Variants in MCTP2 observed in about 807,000 individuals in gnomAD.
MCTP2 encodes the protein multiple C2 and transmembrane domain containing 2.
In MCTP2, 132 loss-of-function variants were observed where a neutral mutation model predicts 111.6. The ratio of observed to expected loss-of-function variants is 1.18; its 90% CI spans 1.03 to 1.37. MCTP2 has a LOEUF of 1.37. Ranked by LOEUF, MCTP2 falls within the 40% of genes most tolerant of loss-of-function variation. The probability of loss-of-function intolerance (pLI) is 0.00; values close to 1 mark genes in which losing one functional copy is unlikely to be tolerated. For synonymous variants in MCTP2, 395 were observed against 387.7 expected, an observed-to-expected ratio of 1.02 and a Z score of -0.22; for missense variants, 1,183 against 1,067.9, an observed-to-expected ratio of 1.11 and a Z score of -1.50.
rs1177069835 is a variant in MCTP2, at chr15:94,480,180, G to A, written c.*1146G>A. On this transcript the variant is annotated 3_prime_UTR_variant, in exon 23 of 23. Coordinates refer to ENST00000357742, the MANE Select transcript of MCTP2 (RefSeq NM_001385001.1). The stretch of plus-strand genomic sequence containing the variant: ...TCCTGACTTTGTGCGTATATAAAAT[G>A]TATGCAATTAAGTCTGTTTAAATGA... 2.6e-5 allele frequency: 4 copies of A among 152,106 alleles called. No homozygotes were observed. The highest frequency in any genetic ancestry group is 7.2e-5 in the African/African-American group (3 of 41,410). The allele number at this position is 152,106 out of a possible 1,614,324, so 9.4% of individuals were successfully genotyped here. A position where few individuals can be genotyped will look rare whatever the true frequency, so the allele number is the denominator to read the frequency against.
At chr15:94,443,045 C>CT (rs1362299590) in intron 19 of MCTP2, 85 bp downstream of exon 19, 11 of 849,398 alleles carry the variant, frequency 1.3e-5, no homozygotes, top group African/African-American at 2.2e-5. Context: ...TCTCTCTCCT[C>CT]TCTTTTTTTT....
At chr15:94,234,719 A>C (rs1596113560) in intron 1 of MCTP2, among the ~76,000 whole-genome samples, 1 of 152,206 alleles carries the variant, frequency 6.6e-6, no homozygotes, top group Admixed American at 6.5e-5. Context: ...GGCTTTTCCA[A>C]CTATCAGTCA....
chr15:94,347,053 T>C (rs1304872213), intron 8 of MCTP2, among the ~76,000 whole-genome samples: 2 of 152,202 alleles, frequency 1.3e-5, no homozygotes. Context: ...TTTTGAAAGC[T>C]ACTTATGCTC....
At position 94,366,420 on chromosome 15, in the gene MCTP2, A is replaced by T. The variant is rs150790870; in HGVS notation, c.1302-1185A>T. On this transcript the variant is annotated intron_variant, in intron 10 of 22. Coordinates refer to ENST00000357742, the MANE Select transcript of MCTP2 (RefSeq NM_001385001.1). ...ATTTTAAAATCTTGTAATAAAGTCTAGTAGAGTCTTTTAATGTCATATTTA... is the reference window on the plus strand; with the variant it reads ...ATTTTAAAATCTTGTAATAAAGTCTTGTAGAGTCTTTTAATGTCATATTTA... Among the ~76,000 whole-genome samples the T allele has an allele frequency of 6.8e-4, 104 of 152,338 alleles. 1 individual carries two copies. Among genetic ancestry groups the T allele is most frequent in the African/African-American group, 2.4e-3 (98 of 41,582 alleles).
At chr15:94,304,559 G>A (rs1211803571) in intron 2 of MCTP2, among the ~76,000 whole-genome samples, 1 of 152,208 alleles carries the variant, frequency 6.6e-6, no homozygotes, top group Non-Finnish European at 1.5e-5. Flanking sequence ...TCATTAACCT[G>A]TTAGGAGAAA....
intron 17 of MCTP2, among the ~76,000 whole-genome samples, chr15:94,439,686 A>G (rs1008489248): frequency 3.3e-5 from 5 of 152,216 alleles, no homozygotes; most frequent in Admixed American, 2.0e-4. Context: ...ATGCTAGCCA[A>G]TCATTTTCTT....
intron 19 of MCTP2, among the ~76,000 whole-genome samples, chr15:94,457,447 G>A (rs537938315): frequency 1.1e-4 from 16 of 152,214 alleles, no homozygotes; most frequent in East Asian, 3.9e-4. Context: ...TGGAAATTAC[G>A]GAAGATGAAT....
chr15:94,477,847 C>CA (rs2074492855), intron 22 of MCTP2, among the ~76,000 whole-genome samples: 1 of 152,138 alleles, frequency 6.6e-6, no homozygotes, highest in Non-Finnish European at 1.5e-5. Context: ...TACTCTTTAA[C>CA]ATTTGTATTA....
chr15:94,396,674 C>G (rs139003146), intron 14 of MCTP2, among the ~76,000 whole-genome samples: 1 of 152,104 alleles, frequency 6.6e-6, no homozygotes, highest in Non-Finnish European at 1.5e-5. Context: ...CAAACATATT[C>G]CAAATACTAA....
chr15:94,453,446 C>T (rs894767003), intron 19 of MCTP2, among the ~76,000 whole-genome samples: 1 of 152,204 alleles, frequency 6.6e-6, no homozygotes, highest in African/African-American at 2.4e-5. Context: ...GCCCATTAAG[C>T]TGTGGCCACT....
chr15:94,333,385 T>C (rs59556018), intron 4 of MCTP2, among the ~76,000 whole-genome samples: 5,038 of 152,240 alleles, frequency 0.033, 249 homozygotes, highest in African/African-American at 0.11. Context: ...CTTTTCTAGA[T>C]GGGAATATTT....
chr15:94,243,015 GTA>G (rs758133800), intron 1 of MCTP2, among the ~76,000 whole-genome samples: 6 of 84,526 alleles, frequency 7.1e-5, no homozygotes, highest in Non-Finnish European at 1.6e-4. Flanking sequence ...ACATACACGT[GTA>G]TATGTGTATC....
intron 17 of MCTP2, among the ~76,000 whole-genome samples, chr15:94,427,560 G>A (rs1374766445): frequency 2.0e-5 from 3 of 152,080 alleles, no homozygotes; most frequent in South Asian, 2.1e-4. Context: ...TCACTATCAC[G>A]AGAACAGCAA....
intron 10 of MCTP2, among the ~76,000 whole-genome samples, chr15:94,364,653 CT>C (rs1455383525): frequency 6.6e-6 from 1 of 152,072 alleles, no homozygotes; most frequent in Non-Finnish European, 1.5e-5. Context: ...TTTGATATTT[CT>C]CTTTTGGGAG....
intron 20 of MCTP2, among the ~76,000 whole-genome samples, chr15:94,462,958 C>G (rs558358875): frequency 6.6e-6 from 1 of 152,150 alleles, no homozygotes; most frequent in East Asian, 1.9e-4. Context: ...TTAAATAAAC[C>G]CAGGGAATGT....
intron 1 of MCTP2, among the ~76,000 whole-genome samples, chr15:94,251,498 A>G (rs1377289781): frequency 1.3e-5 from 2 of 151,908 alleles, no homozygotes; most frequent in Admixed American, 1.3e-4. Flanking sequence ...AGCTAGGATT[A>G]CAGGTGCCCG....
At chr15:94,257,563 TTTG>T (rs1303012071) in intron 1 of MCTP2, among the ~76,000 whole-genome samples, 1,196 of 71,926 alleles carry the variant, frequency 0.017, 249 homozygotes, top group Non-Finnish European at 0.021. Context: ...TGTCATTTTC[TTTG>T]TTGTTTTTTT....
intron 14 of MCTP2, among the ~76,000 whole-genome samples, chr15:94,391,369 T>C (rs7171527): frequency 0.23 from 35,488 of 151,990 alleles, 4,811 homozygotes; most frequent in African/African-American, 0.38. Context: ...AATACAGAAA[T>C]TTTTGCCCAT....
chr15:94,453,155 G>A (rs533913199), intron 19 of MCTP2, among the ~76,000 whole-genome samples: 36 of 152,238 alleles, frequency 2.4e-4, no homozygotes, highest in African/African-American at 8.2e-4. Context: ...GGGATGTGTT[G>A]CTTAGACTTT....
Sources: allele counts gnomAD v4.1 joint callset (sites outside exome capture counted in the v4.1 genomes callset), GRCh38; gene constraint gnomAD v4.1.1; transcripts MANE v1.5; gene names NCBI Gene and HGNC (gene_info 2026-07-23, HGNC 2026-07-21).